Variants in ANKRD11 observed in about 807,000 individuals in gnomAD.
ANKRD11 encodes ankyrin repeat domain-containing protein 11.
Under a neutral mutation model 195.7 loss-of-function variants are expected in ANKRD11, and 17 were observed. The observed-to-expected ratio is 0.09, with a 90% CI of 0.06 to 0.13. ANKRD11 has a LOEUF of 0.13. Ranked by LOEUF, ANKRD11 falls within the 10% of genes least tolerant of loss-of-function variation. The pLI, the probability that ANKRD11 is intolerant of heterozygous loss-of-function variation, is 1.00. For missense variants in ANKRD11, 3,735 were observed against 3,566.1 expected (o/e 1.05, Z -1.21); for synonymous variants, 1,953 against 1,528.1 (o/e 1.28, Z -6.49).
At position 89,283,970 on chromosome 16, in the gene ANKRD11, A is replaced by G. The variant is rs1183753835; in HGVS notation, c.2572T>C (p.Trp858Arg). ...SSFDFKGEDS[W>R]DSPVTDYRDM... The stretch of plus-strand genomic sequence containing the variant: ...CTGTAGTCTGTCACTGGCGAGTCCC[A>G]GCTGTCCTCCCCTTTGAAATCAAAG... Residue 858 changes from tryptophan to arginine, a missense_variant, in exon 9 of 13, where the codon TGG becomes CGG. By Grantham distance (101) the Trp-to-Arg change is moderately radical. Coordinates refer to ENST00000301030, the MANE Select transcript of ANKRD11 (RefSeq NM_013275.6). This position sits in a 1 kb window ranked among gnomAD's most constrained non-coding sequence, Gnocchi z 4.3. 6.2e-7 allele frequency: 1 copy of G among 1,614,040 alleles called. No homozygotes were observed. Among genetic ancestry groups the G allele is most frequent in the Non-Finnish European group, 8.5e-7 (1 of 1,180,036 alleles).
At chr16:89,485,377 C>T (rs2057577542) in intron 1 of ANKRD11, among the ~76,000 whole-genome samples, 1 of 151,884 alleles carries the variant, frequency 6.6e-6, no homozygotes, top group African/African-American at 2.4e-5. Context: ...GCCTGTAGTC[C>T]CAGCTACTCG....
intron 2 of ANKRD11, among the ~76,000 whole-genome samples, chr16:89,380,648 G>T (rs2040603406): frequency 6.6e-6 from 1 of 152,204 alleles, no homozygotes; most frequent in Non-Finnish European, 1.5e-5. Flanking sequence ...TAGGAGACAG[G>T]CTTCTAGATC....
At chr16:89,450,271 C>A (rs189792068) in intron 1 of ANKRD11, among the ~76,000 whole-genome samples, 18 of 152,274 alleles carry the variant, frequency 1.2e-4, no homozygotes, top group African/African-American at 4.3e-4. Flanking sequence ...TCTTTCTACT[C>A]ACTTAAAATT....
intron 9 of ANKRD11, chr16:89,277,513 C>T (rs1474517460): frequency 4.6e-5 from 7 of 152,240 alleles, no homozygotes; most frequent in Non-Finnish European, 8.8e-5. Context: ...ATCCATTAAA[C>T]GAGAAAACAA....
At chr16:89,270,450 C>G in intron 12 of ANKRD11, 1 of 373,744 alleles carries the variant, frequency 2.7e-6, no homozygotes, top group Non-Finnish European at 5.2e-6. Context: ...GCACCTCCCC[C>G]GCCCCTGCCC....
chr16:89,282,633 G>C lies in ANKRD11; in HGVS notation c.3909C>G (p.Val1303=). Residue 1303 remains valine (V), a synonymous_variant, in exon 9 of 13, where the codon GTC becomes GTG. Coordinates refer to ENST00000301030, the MANE Select transcript of ANKRD11 (RefSeq NM_013275.6). ...REDSNDKISE[V]SSDSFTDRGQ... ...CTCGGTCCGTGAAGCTGTCAGAGGA[G>C]ACCTCGCTGATTTTATCGTTGGAGT... is the stretch of plus-strand genomic sequence containing the variant. 4 of 1,614,134 alleles carry C rather than the reference G, an allele frequency of 2.5e-6. No homozygotes were observed. Among genetic ancestry groups the C allele is most frequent in the Non-Finnish European group, 3.4e-6 (4 of 1,180,030 alleles).
intron 1 of ANKRD11, among the ~76,000 whole-genome samples, chr16:89,481,432 C>A (rs1439296082): frequency 6.6e-6 from 1 of 152,166 alleles, no homozygotes; most frequent in Non-Finnish European, 1.5e-5. Context: ...TAGCGCACGT[C>A]TGTAGTTCTA....
At chr16:89,470,570 G>C (rs971462334) in intron 1 of ANKRD11, among the ~76,000 whole-genome samples, 3 of 152,206 alleles carry the variant, frequency 2.0e-5, no homozygotes, top group Non-Finnish European at 4.4e-5. Flanking sequence ...AAGCAGCCAG[G>C]TGCGATGGCT....
intron 2 of ANKRD11, among the ~76,000 whole-genome samples, chr16:89,348,114 T>A (rs2039031937): frequency 6.6e-6 from 1 of 152,082 alleles, no homozygotes; most frequent in Non-Finnish European, 1.5e-5. Context: ...GTATTTTTTG[T>A]ACAGATAGGG....
At chr16:89,446,329 C>T (rs998012332) in intron 1 of ANKRD11, among the ~76,000 whole-genome samples, 15 of 152,146 alleles carry the variant, frequency 9.9e-5, no homozygotes, top group African/African-American at 2.7e-4. Context: ...GGTGGACGGG[C>T]GCAGTGGCTC....
chr16:89,439,453 G>A (rs1170239409), intron 1 of ANKRD11, among the ~76,000 whole-genome samples: 3 of 152,166 alleles, frequency 2.0e-5, no homozygotes, highest in Admixed American at 1.3e-4. Context: ...GGGACTATCT[G>A]TATACACTTT....
At chr16:89,381,373 A>G (rs1597216568) in intron 2 of ANKRD11, among the ~76,000 whole-genome samples, 1 of 151,014 alleles carries the variant, frequency 6.6e-6, no homozygotes. Flanking sequence ...AAGGGCAAGC[A>G]AGAGTTCAGA....
At chr16:89,345,225 G>A (rs116999413) in intron 2 of ANKRD11, among the ~76,000 whole-genome samples, 1,620 of 152,000 alleles carry the variant, frequency 0.011, 9 homozygotes, top group East Asian at 0.03. Context: ...AAAATGGAGC[G>A]GCAAAAAAAC....
chr16:89,286,274 A>C (rs1597469249), intron 7 of ANKRD11, 88 bp from the exon 8 acceptor site: 1 of 1,571,084 alleles, frequency 6.4e-7, no homozygotes, highest in Non-Finnish European at 8.6e-7. Context: ...CCTTCCGAGA[A>C]CCCTGGGGTT....
intron 2 of ANKRD11, among the ~76,000 whole-genome samples, chr16:89,368,352 G>T (rs1336602286): frequency 2.1e-5 from 3 of 145,196 alleles, no homozygotes; most frequent in Non-Finnish European, 4.5e-5. Flanking sequence ...GCCTGCTGCC[G>T]TGCCTGGCTA....
At chr16:89,408,417 G>T (rs904219543) in intron 2 of ANKRD11, among the ~76,000 whole-genome samples, 2 of 152,240 alleles carry the variant, frequency 1.3e-5, no homozygotes, top group African/African-American at 4.8e-5. Context: ...GGAGGAAGAG[G>T]ATGGCAGGTA....
chr16:89,406,898 G>A (rs1464477149), intron 2 of ANKRD11, among the ~76,000 whole-genome samples: 1 of 152,186 alleles, frequency 6.6e-6, no homozygotes, highest in Non-Finnish European at 1.5e-5. Context: ...AGAACATCAG[G>A]CCGGACGTGG....
In ANKRD11 at chr16:89,283,721, T is replaced by A. The variant is rs773484351; in HGVS notation, c.2821A>T (p.Arg941Trp). 1 of 1,613,892 alleles carries A rather than the reference T, an allele frequency of 6.2e-7. No homozygotes were observed. The highest frequency in any genetic ancestry group is 8.5e-7 in the Non-Finnish European group (1 of 1,180,038). Residue 941 changes from arginine (R) to tryptophan (W), a missense_variant, in exon 9 of 13, where the codon AGG (arginine) becomes TGG (tryptophan). Arg to Trp is a moderately radical substitution (Grantham distance 101). Transcript: ENST00000301030. The surrounding 1 kb of genome is among the most constrained non-coding windows in gnomAD (Gnocchi z 4.3). Reference protein sequence around the residue: ...PGYLSEKDKKRRESAEAGRDR... With the variant: ...PGYLSEKDKKWRESAEAGRDR... The stretch of plus-strand genomic sequence containing the variant: ...CGCCCGGCCTCTGCGGACTCTCTCC[T>A]CTTCTTGTCCTTTTCCGAAAGGTAG...
chr16:89,338,860 T>G (rs2038514901), intron 2 of ANKRD11, among the ~76,000 whole-genome samples: 2 of 151,546 alleles, frequency 1.3e-5, no homozygotes, highest in African/African-American at 2.4e-5. Flanking sequence ...AGCTAAAAGG[T>G]TTGCCAAATG....
Sources: allele counts gnomAD v4.1 joint callset (sites outside exome capture counted in the v4.1 genomes callset), GRCh38; gene constraint gnomAD v4.1.1; non-coding constraint Gnocchi (gnomAD v3.1); transcripts MANE v1.5; gene names NCBI Gene and HGNC (gene_info 2026-07-23, HGNC 2026-07-21).